The following PCDHA4 variants were observed in gnomAD, a reference collection of about 807,000 sequenced individuals.
PCDHA4 encodes protocadherin alpha 4.
In PCDHA4, 49 loss-of-function variants were observed where a neutral mutation model predicts 61.4. The ratio of observed to expected loss-of-function variants is 0.80; its 90% CI spans 0.63 to 1.01. The LOEUF (loss-of-function observed/expected upper bound fraction) is 1.01. Among genes scored for constraint, PCDHA4 ranks in the 50% least tolerant of loss-of-function variants. The pLI, the probability that PCDHA4 is intolerant of heterozygous loss-of-function variation, is 0.00. For missense variants in PCDHA4, 1,254 were observed against 1,235.8 expected, an observed-to-expected ratio of 1.01 and a Z score of -0.22; for synonymous variants, 590 against 550.3, an observed-to-expected ratio of 1.07 and a Z score of -1.01.
At chr5:140,822,740 T>C (rs2150119002) in intron 1 of PCDHA4, 2 of 1,613,644 alleles carry the variant, frequency 1.2e-6, no homozygotes, top group Non-Finnish European at 1.7e-6. Flanking sequence ...ATTGATGCCA[T>C]GGATAAAAGT....
intron 1 of PCDHA4, among the ~76,000 whole-genome samples, chr5:140,957,730 T>G (rs1044691694): frequency 6.6e-6 from 1 of 152,144 alleles, no homozygotes; most frequent in Non-Finnish European, 1.5e-5. Flanking sequence ...AGCAGAATTA[T>G]ATATACTGAC....
intron 1 of PCDHA4, chr5:140,927,755 C>T (rs1388061408): frequency 6.2e-7 from 1 of 1,614,196 alleles, no homozygotes; most frequent in South Asian, 1.1e-5. Flanking sequence ...CACGTGCACC[C>T]TAAAAGTGGG....
At chr5:140,843,759 A>T in intron 1 of PCDHA4, 1 of 1,499,994 alleles carries the variant, frequency 6.7e-7, no homozygotes. Flanking sequence ...TATTTGTGGA[A>T]ATTGTAGTTA....
intron 1 of PCDHA4, chr5:140,825,422 A>C (rs897290918): frequency 6.8e-6 from 1 of 147,148 alleles, no homozygotes; most frequent in African/African-American, 2.5e-5. Flanking sequence ...TATAATATAT[A>C]TAATAAATAT....
intron 1 of PCDHA4, among the ~76,000 whole-genome samples, chr5:140,897,105 C>T (rs981189512): frequency 3.3e-5 from 5 of 152,062 alleles, no homozygotes; most frequent in South Asian, 2.1e-4. Flanking sequence ...TAAAAATCTC[C>T]ACTTTCTGTC....
At chr5:140,886,827 GAAAAAAA>G (rs782016620) in intron 1 of PCDHA4, among the ~76,000 whole-genome samples, 7 of 60,890 alleles carry the variant, frequency 1.1e-4, no homozygotes, top group African/African-American at 4.2e-4. Context: ...ACTTCGTCTT[GAAAAAAA>G]AAAAAAAAAA....
rs155802 is a variant in PCDHA4, at chr5:140,917,330, A to C, written c.2386-61619A>C. 5.0e-3 allele frequency among the ~76,000 whole-genome samples: 514 copies of C among 103,230 alleles called. 31 individuals carry two copies. The highest frequency in any genetic ancestry group is 8.4e-3 in the Non-Finnish European group (403 of 48,222). The allele number at this position is 103,230 out of a possible 152,430, so 67.7% of individuals were successfully genotyped here. A position where few individuals can be genotyped will look rare whatever the true frequency, so the allele number is the denominator to read the frequency against. On this transcript the variant is annotated intron_variant, in intron 1 of 3. Coordinates refer to ENST00000530339, the MANE Select transcript of PCDHA4 (RefSeq NM_018907.4). ...CAATTTGGTGTTCATGTGGCGGGGG[A>C]GGGGGGGGATGGTGTAGGCTTCTGT...
intron 1 of PCDHA4, among the ~76,000 whole-genome samples, chr5:140,950,973 T>C (rs1381300164): frequency 3.3e-5 from 5 of 152,244 alleles, no homozygotes; most frequent in Middle Eastern, 3.4e-3. Flanking sequence ...TTCAGATTCA[T>C]TGACTTTTGC....
At position 140,843,553 on chromosome 5, in the gene PCDHA4, G is replaced by A. The variant is rs1275122592; in HGVS notation, c.2385+33981G>A. On this transcript the variant is annotated intron_variant, in intron 1 of 3. Coordinates refer to ENST00000530339, the MANE Select transcript of PCDHA4 (RefSeq NM_018907.4). ...AGCCCACTCTGGTGTGCTCCAGTGC[G>A]GTGGGGAGCTGGTCATACTCGCAAC... 15 of 1,595,808 alleles carry A rather than the reference G, an allele frequency of 9.4e-6. 2 individuals carry two copies. The highest frequency in any genetic ancestry group is 2.2e-5 in the South Asian group (2 of 90,502).
intron 3 of PCDHA4, among the ~76,000 whole-genome samples, chr5:141,000,417 A>AT (rs1563652061): frequency 7.5e-4 from 58 of 77,708 alleles, no homozygotes; most frequent in African/African-American, 1.3e-3. Context: ...ATATATATAT[A>AT]TATATTTTTT....
intron 1 of PCDHA4, chr5:140,857,594 G>T (rs1554150300): frequency 6.3e-7 from 1 of 1,596,514 alleles, no homozygotes; most frequent in Admixed American, 1.7e-5. Context: ...GAGCGGCAAG[G>T]TGTACGCGCT....
intron 1 of PCDHA4, chr5:140,858,460 C>T (rs1395067215): frequency 6.6e-7 from 1 of 1,525,828 alleles, no homozygotes; most frequent in African/African-American, 1.4e-5. Context: ...TTTTCATTTT[C>T]CTTTTGTGCT....
intron 1 of PCDHA4, among the ~76,000 whole-genome samples, chr5:140,964,472 T>C (rs1160731930): frequency 6.6e-6 from 1 of 152,074 alleles, no homozygotes; most frequent in Non-Finnish European, 1.5e-5. Context: ...GTGCCTATGA[T>C]TTTTTCACAG....
rs200390545 is a variant in PCDHA4 at position 140,821,737 on chromosome 5, G to A, written c.2385+12165G>A. ...TTGAATTTACAAAATACATTGTGTG[G>A]TGATGCAATAGAAAGCTCATAATTG... On this transcript the variant is annotated intron_variant, in intron 1 of 3. Transcript: ENST00000530339. 269 of 1,541,764 alleles carry A rather than the reference G, an allele frequency of 1.7e-4. 1 individual carries two copies. Among genetic ancestry groups the A allele is most frequent in the Middle Eastern group, 7.0e-4 (4 of 5,738 alleles).
rs2150119705 is a variant in PCDHA4, at chr5:140,822,833, C to A, written c.2385+13261C>A. The stretch of plus-strand genomic sequence containing the variant: ...AATACCCCAGAGATGGCCATAACCA[C>A]CCTTTTCCTGCCTGTCAAAGAGGAC... On this transcript the variant is annotated intron_variant, in intron 1 of 3. Coordinates refer to ENST00000530339, the MANE Select transcript of PCDHA4 (RefSeq NM_018907.4). The A allele has an allele frequency of 0.011, 17,399 of 1,614,148 alleles. 1,609 individuals carry two copies. In the African/African-American group the frequency reaches 0.2, roughly 19 times the overall value.
At chr5:140,908,142 A>G (rs1371459142) in intron 1 of PCDHA4, among the ~76,000 whole-genome samples, 1 of 152,158 alleles carries the variant, frequency 6.6e-6, no homozygotes, top group Non-Finnish European at 1.5e-5. Flanking sequence ...TCCTTCAGGT[A>G]TGTCCTAGGA....
chr5:141,005,000 G>A (rs2098192261), intron 3 of PCDHA4, among the ~76,000 whole-genome samples: 1 of 152,176 alleles, frequency 6.6e-6, no homozygotes, highest in Non-Finnish European at 1.5e-5. Context: ...GGTCTCCTAA[G>A]CCCTGAGAGC....
At chr5:140,849,732 C>T (rs2150447355) in intron 1 of PCDHA4, 6 of 1,598,488 alleles carry the variant, frequency 3.8e-6, no homozygotes, top group Non-Finnish European at 5.1e-6. Flanking sequence ...GGACAGAGCT[C>T]TGGACCGCGA....
In PCDHA4 at chr5:140,886,468, T is replaced by C. The variant is rs138596929; in HGVS notation, c.2385+76896T>C. The stretch of plus-strand genomic sequence containing the variant: ...TAATTTTGTCATATATAAATGTTTT[T>C]AAAATGTATGAATTAAAATATATCT... On this transcript the variant is annotated intron_variant, in intron 1 of 3. Coordinates refer to ENST00000530339, the MANE Select transcript of PCDHA4 (RefSeq NM_018907.4). Among the ~76,000 whole-genome samples, 1,063 of 152,318 alleles carry C rather than the reference T, an allele frequency of 7.0e-3. 10 individuals carry two copies. Among genetic ancestry groups the C allele is most frequent in the Non-Finnish European group, 0.012 (787 of 68,024 alleles).
Sources: gnomAD v4.1 joint callset for allele counts (sites outside exome capture counted in the v4.1 genomes callset) on GRCh38, gnomAD v4.1.1 for gene constraint, MANE v1.5 for transcripts, NCBI Gene and HGNC (gene_info 2026-07-23, HGNC 2026-07-21) for gene names.